Variants in CTDSPL2 observed in about 807,000 individuals in gnomAD.
CTDSPL2 encodes the protein CTD small phosphatase like 2.
Under a neutral mutation model 60.0 loss-of-function variants are expected in CTDSPL2, and 5 were observed. The ratio of observed to expected loss-of-function variants is 0.08; its 90% CI spans 0.04 to 0.18. The LOEUF is 0.18. Ranked by LOEUF, CTDSPL2 falls within the 10% of genes least tolerant of loss-of-function variation. The probability of loss-of-function intolerance (pLI) is 1.00; values close to 1 mark genes in which losing one functional copy is unlikely to be tolerated. For synonymous variants in CTDSPL2, 186 were observed against 189.3 expected (o/e 0.98, Z 0.14); for missense variants, 370 against 548.8 (o/e 0.67, Z 3.26).
intron 10 of CTDSPL2, among the ~76,000 whole-genome samples, chr15:44,515,232 C>T (rs975596862): frequency 7.9e-5 from 12 of 152,026 alleles, no homozygotes; most frequent in African/African-American, 2.9e-4. Context: ...TATTTTTTAA[C>T]AGAAAGGATC....
chr15:44,458,376 C>T (rs1160684191), intron 1 of CTDSPL2, among the ~76,000 whole-genome samples: 1 of 151,932 alleles, frequency 6.6e-6, no homozygotes, highest in Non-Finnish European at 1.5e-5. Flanking sequence ...AAATAAATAG[C>T]CTCATATTTT....
chr15:44,448,106 C>CGG, intron 1 of CTDSPL2: 1 of 250,798 alleles, frequency 4.0e-6, no homozygotes, highest in Admixed American at 4.4e-5. Context: ...TGCTCCAGGC[C>CGG]AGCCCCCATA....
chr15:44,475,579 C>G (rs2080899436), intron 2 of CTDSPL2, among the ~76,000 whole-genome samples: 1 of 150,126 alleles, frequency 6.7e-6, no homozygotes, highest in South Asian at 2.1e-4. Flanking sequence ...GTGGAGTTTG[C>G]AGTGAGCTGA....
At chr15:44,505,575 A>G (rs1276206401) in intron 8 of CTDSPL2, among the ~76,000 whole-genome samples, 1 of 152,082 alleles carries the variant, frequency 6.6e-6, no homozygotes, top group African/African-American at 2.4e-5. Context: ...TCTCTACTAA[A>G]AAAAAGAAAT....
intron 2 of CTDSPL2, among the ~76,000 whole-genome samples, chr15:44,468,636 A>G (rs964244952): frequency 6.6e-6 from 1 of 152,118 alleles, no homozygotes; most frequent in Admixed American, 6.6e-5. Flanking sequence ...GGCTTTGTGG[A>G]CAATATTGTC....
chr15:44,476,501 A>G (rs2080919127), intron 2 of CTDSPL2, among the ~76,000 whole-genome samples: 1 of 152,240 alleles, frequency 6.6e-6, no homozygotes, highest in East Asian at 1.9e-4. Flanking sequence ...GTGTTTTCAC[A>G]TAAATATATA....
At chr15:44,433,389 C>T (rs1037169377) in intron 1 of CTDSPL2, among the ~76,000 whole-genome samples, 41 of 148,464 alleles carry the variant, frequency 2.8e-4, no homozygotes, top group Non-Finnish European at 4.5e-4. Context: ...GTAGAACATA[C>T]TTGGGATTAC....
intron 2 of CTDSPL2, among the ~76,000 whole-genome samples, chr15:44,481,912 T>C (rs1469230664): frequency 2.6e-5 from 4 of 152,182 alleles, no homozygotes; most frequent in Non-Finnish European, 2.9e-5. Flanking sequence ...CTGCAGCAGA[T>C]ATTCTCTCTC....
intron 2 of CTDSPL2, among the ~76,000 whole-genome samples, chr15:44,472,118 G>T (rs1035807184): frequency 2.0e-5 from 3 of 151,978 alleles, no homozygotes; most frequent in African/African-American, 7.2e-5. Context: ...CATTTGGATT[G>T]TTTTCATATT....
chr15:44,464,775 C>G (rs2080649711), intron 2 of CTDSPL2, among the ~76,000 whole-genome samples: 1 of 152,142 alleles, frequency 6.6e-6, no homozygotes, highest in African/African-American at 2.4e-5. Context: ...GGCGCTGTCT[C>G]AGCTCATTGC....
chr15:44,455,839 A>ATTTTTTTTTTTT (rs35307134), intron 1 of CTDSPL2, among the ~76,000 whole-genome samples: 2 of 47,510 alleles, frequency 4.2e-5, no homozygotes, highest in Non-Finnish European at 7.2e-5. Context: ...TTTATTGAGG[A>ATTTTTTTTTTTT]TTTTTTTTTT....
Sources: allele counts gnomAD v4.1 joint callset (sites outside exome capture counted in the v4.1 genomes callset), GRCh38; gene constraint gnomAD v4.1.1; transcripts MANE v1.5; gene names NCBI Gene and HGNC (gene_info 2026-07-23, HGNC 2026-07-21).